The following PRSS27 variants were observed in gnomAD, a reference collection of about 807,000 sequenced individuals.
PRSS27 encodes the protein channel-activating protease 2.
PRSS27 carries 25 observed loss-of-function variants against 32.0 expected under a neutral mutation model. The ratio of observed to expected loss-of-function variants is 0.78; its 90% CI spans 0.57 to 1.09. The LOEUF (loss-of-function observed/expected upper bound fraction) is 1.09. Among genes scored for constraint, PRSS27 ranks in the 50% least tolerant of loss-of-function variants. PRSS27 has a pLI of 0.00. For missense variants in PRSS27, 401 were observed against 394.9 expected (o/e 1.02, Z -0.13); for synonymous variants, 178 against 172.2 (o/e 1.03, Z -0.26).
rs557018266 is a variant in PRSS27 at position 2,713,345 on chromosome 16, T to G, written c.678+184A>C. 5.5e-4 allele frequency: 363 copies of G among 657,600 alleles called. 1 individual carries two copies. Among genetic ancestry groups the G allele is most frequent in the Middle Eastern group, 2.6e-3 (10 of 3,794 alleles). The allele number at this position is 657,600 out of a possible 1,614,324, so 40.7% of individuals were successfully genotyped here. A position where few individuals can be genotyped will look rare whatever the true frequency, so the allele number is the denominator to read the frequency against. On this transcript the variant is annotated intron_variant, in intron 5 of 5. Coordinates refer to ENST00000302641, the MANE Select transcript of PRSS27 (RefSeq NM_031948.5). ...CATCTCCTGACCTTGTGATCCACCC[T>G]CCTTGGCCTCCCAAAGTGCTGGGAT...
intron 1 of PRSS27, among the ~76,000 whole-genome samples, chr16:2,718,830 G>T (rs2067718023): frequency 1.3e-5 from 2 of 152,172 alleles, no homozygotes; most frequent in Admixed American, 1.3e-4. Context: ...CATCTGGGGG[G>T]CCTGATCTCA....
At position 2,713,872 on chromosome 16, in the gene PRSS27, C is replaced by T. The variant is rs538152278; in HGVS notation, c.509-174G>A. Among the ~76,000 whole-genome samples, 6 of 152,334 alleles carry T rather than the reference C, an allele frequency of 3.9e-5. No individual in the cohort carries two copies. The East Asian group carries it at 9.6e-4, about 24-fold the overall frequency. ...TTCCAGGCAGCAGGCTGGGCCCTTT[C>T]TGTCCCCCTCTCCCTTCACCCCCTC... On this transcript the variant is annotated intron_variant, in intron 4 of 5. Coordinates refer to ENST00000302641, the MANE Select transcript of PRSS27 (RefSeq NM_031948.5).
At position 2,713,159 on chromosome 16, in the gene PRSS27, C is replaced by T. The variant is rs188131229; in HGVS notation, c.679-345G>A. ...TGTGGCCCAGGCTGGAGTGCACTGG[C>T]GCGATCTCGGCTCACTGCAAGCTCC... On this transcript the variant is annotated intron_variant, in intron 5 of 5. Transcript: ENST00000302641. 4.4e-3 allele frequency: 2,082 copies of T among 468,558 alleles called. 40 individuals are homozygous for T. Among genetic ancestry groups the T allele is most frequent in the African/African-American group, 0.035 (1,802 of 51,000 alleles). 29.0% of individuals were successfully genotyped at this position (468,558 alleles called of 1,614,324 possible).
chr16:2,719,278 G>A (rs943616432), intron 1 of PRSS27, among the ~76,000 whole-genome samples: 1 of 152,170 alleles, frequency 6.6e-6, no homozygotes, highest in Non-Finnish European at 1.5e-5. Flanking sequence ...GGCATGGGGT[G>A]GGGGAGGCCG....
Position 2,715,797 on chromosome 16 carries a change from G to T in PRSS27, c.157C>A (p.Gln53Lys), listed in dbSNP as rs1363823677. ...EGEWPWQVSI[Q>K]RNGSHFCGGS... ...CCGCAGAAGTGGCTTCCGTTGCGCTGGATGCTGACTTGCCAGGGCCACTCG... is the reference window on the plus strand; with the variant it reads ...CCGCAGAAGTGGCTTCCGTTGCGCTTGATGCTGACTTGCCAGGGCCACTCG... Residue 53 changes from glutamine to lysine, a missense_variant, in exon 3 of 6, where the codon CAG becomes AAG. Coordinates refer to ENST00000302641, the MANE Select transcript of PRSS27 (RefSeq NM_031948.5). 6.2e-7 allele frequency: 1 copy of T among 1,603,904 alleles called. No individual in the cohort carries two copies. Among genetic ancestry groups the T allele is most frequent in the Non-Finnish European group, 8.5e-7 (1 of 1,177,542 alleles).
intron 3 of PRSS27, chr16:2,715,294 T>G: frequency 6.1e-6 from 1 of 163,304 alleles, no homozygotes; most frequent in Non-Finnish European, 1.3e-5. Context: ...GTGGTTCAGG[T>G]GGGTGAGGGG....
chr16:2,713,741 A>T (rs1433782588), intron 4 of PRSS27, 43 bp from the exon 5 acceptor site: 2 of 1,601,884 alleles, frequency 1.2e-6, no homozygotes, highest in African/African-American at 2.7e-5. Context: ...GGACTTCCTC[A>T]TCAAGAACCC....
chr16:2,714,196 G>T lies in PRSS27; in HGVS notation c.377C>A (p.Ala126Asp). Reference sequence around the variant, plus strand: ...CACTGGTGCCTCCAGCTCCACCAGGGCCACGTCAGCGCTGGAGGCCGTGCC... The same window carrying T: ...CACTGGTGCCTCCAGCTCCACCAGGTCCACGTCAGCGCTGGAGGCCGTGCC... ...YQGTASSADV[A>D]LVELEAPVPF... Residue 126 changes from alanine (A) to aspartate (D), a missense_variant, in exon 4 of 6, where the codon GCC (alanine) becomes GAC (aspartate). Physicochemically the swap from Ala to Asp is moderately radical, Grantham distance 126. Coordinates refer to ENST00000302641, the MANE Select transcript of PRSS27 (RefSeq NM_031948.5). This position sits in a 1 kb window ranked among gnomAD's most constrained non-coding sequence, Gnocchi z 4.7. 6.2e-7 allele frequency: 1 copy of T among 1,614,028 alleles called. No homozygotes were observed.
rs2067710058 is a variant in PRSS27 at position 2,717,584 on chromosome 16, CA to C, written c.47-1059del. On this transcript the variant is annotated intron_variant, in intron 1 of 5. Transcript: ENST00000302641. The surrounding 1 kb of genome is among the most constrained non-coding windows in gnomAD (Gnocchi z 4.1). The stretch of plus-strand genomic sequence containing the variant: ...AGCCACCTCCCCACACCTAGGCCCT[CA>C]GCTTCCCCTTAACCCCCAGTGCCTT... 1 of 152,478 alleles carries C rather than the reference CA, an allele frequency of 6.6e-6. No individual in the cohort carries two copies. Among genetic ancestry groups the C allele is most frequent in the African/African-American group, 2.4e-5 (1 of 41,434 alleles). The allele number at this position is 152,478 out of a possible 1,614,324, so 9.4% of individuals were successfully genotyped here.
At position 2,714,232 on chromosome 16, in the gene PRSS27, G is replaced by A. The variant is rs2067685828; in HGVS notation, c.341C>T (p.Pro114Leu). The change falls in exon 4 of 6, where the codon CCC becomes CTC. Residue 114 changes from proline (P) to leucine (L), a missense_variant. Coordinates refer to ENST00000302641, the MANE Select transcript of PRSS27 (RefSeq NM_031948.5). The surrounding 1 kb of genome is among the most constrained non-coding windows in gnomAD (Gnocchi z 4.7). ...GCTGGAGGCCGTGCCCTGGTACAGGGGGTTGCTCTCCACCTGCCTCACCCG... is the reference window on the plus strand; with the variant it reads ...GCTGGAGGCCGTGCCCTGGTACAGGAGGTTGCTCTCCACCTGCCTCACCCG... ...YARVRQVESN[P>L]LYQGTASSAD... The A allele has an allele frequency of 1.9e-6, 3 of 1,613,716 alleles. No homozygotes were observed. Among genetic ancestry groups the A allele is most frequent in the South Asian group, 1.1e-5 (1 of 91,058 alleles).
intron 4 of PRSS27, 58 bp from the exon 5 acceptor site, chr16:2,713,756 C>T (rs1024486091): frequency 6.4e-7 from 1 of 1,567,640 alleles, no homozygotes; most frequent in East Asian, 2.3e-5. Context: ...GAACCCACGG[C>T]CCCGGGAACC....
chr16:2,713,811 T>G (rs1453925699), intron 4 of PRSS27, 113 bp from the exon 5 acceptor site: 2 of 1,248,848 alleles, frequency 1.6e-6, no homozygotes, highest in African/African-American at 3.0e-5. Flanking sequence ...AGACCATCTC[T>G]GGCTTAGGGC....
chr16:2,713,162 G>A (rs896240902), intron 5 of PRSS27: 40 of 466,460 alleles, frequency 8.6e-5, no homozygotes, highest in Non-Finnish European at 1.3e-4. Context: ...GCACTGGCGC[G>A]ATCTCGGCTC....
At position 2,714,725 on chromosome 16, in the gene PRSS27, A is replaced by C; in HGVS notation, c.237-389T>G. 1 of 255,888 alleles carries C rather than the reference A, an allele frequency of 3.9e-6. No homozygotes were observed. 15.9% of individuals were successfully genotyped at this position (255,888 alleles called of 1,614,324 possible). On this transcript the variant is annotated intron_variant, in intron 3 of 5. Coordinates refer to ENST00000302641, the MANE Select transcript of PRSS27 (RefSeq NM_031948.5). This position sits in a 1 kb window ranked among gnomAD's most constrained non-coding sequence, Gnocchi z 4.7. ...TCTGGCAGGTGACCTGCCCTCTCTC[A>C]GCCCGAGTTTCCGATTTTTTTTTTC... is the stretch of plus-strand genomic sequence containing the variant.
chr16:2,712,878 G>A lies in PRSS27; in HGVS notation c.679-64C>T, dbSNP rs922568246. 2.3e-5 allele frequency: 30 copies of A among 1,299,644 alleles called. No individual in the cohort carries two copies. The highest frequency in any genetic ancestry group is 1.1e-4 in the Admixed American group (4 of 36,706). 80.5% of individuals were successfully genotyped at this position (1,299,644 alleles called of 1,614,324 possible). A position where few individuals can be genotyped will look rare whatever the true frequency, so the allele number is the denominator to read the frequency against. On this transcript the variant is annotated intron_variant, in intron 5 of 5. Coordinates refer to ENST00000302641, the MANE Select transcript of PRSS27 (RefSeq NM_031948.5). This position sits in a 1 kb window ranked among gnomAD's most constrained non-coding sequence, Gnocchi z 4.6. ...AGTTCCCAGAGACTCAGTTGCAGCC[G>A]CACAGGAGGTGTGTAGCTCCGCAAT...
In PRSS27 at chr16:2,714,850, C is replaced by T. The variant is rs561418064; in HGVS notation, c.237-514G>A. ...AACTCCTGGGCTCAAGCCATCCTCT[C>T]GCCTCAGCTTCCTGAGTACTTGGGA... On this transcript the variant is annotated intron_variant, in intron 3 of 5. Coordinates refer to ENST00000302641, the MANE Select transcript of PRSS27 (RefSeq NM_031948.5). The surrounding 1 kb of genome is among the most constrained non-coding windows in gnomAD (Gnocchi z 4.7). The T allele has an allele frequency of 3.7e-5, 6 of 161,698 alleles. No individual in the cohort carries two copies. In the South Asian group the frequency reaches 6.6e-4, roughly 18 times the overall value. 10.0% of individuals were successfully genotyped at this position (161,698 alleles called of 1,614,324 possible).
Position 2,712,604 on chromosome 16 carries a change from C to T in PRSS27, c.*16G>A, listed in dbSNP as rs1267497211. 1.3e-6 allele frequency: 2 copies of T among 1,566,104 alleles called. No homozygotes were observed. Among genetic ancestry groups the T allele is most frequent in the African/African-American group, 2.7e-5 (2 of 73,690 alleles). ...GGTGCAGAGCTCTGCTCAAGGGGCT[C>T]CTGGCCCCGGGGGTCTCACTTCTGG... On this transcript the variant is annotated 3_prime_UTR_variant, in exon 6 of 6. Coordinates refer to ENST00000302641, the MANE Select transcript of PRSS27 (RefSeq NM_031948.5). This position sits in a 1 kb window ranked among gnomAD's most constrained non-coding sequence, Gnocchi z 4.6.
chr16:2,713,256 G>A (rs940477393), intron 5 of PRSS27: 19 of 472,546 alleles, frequency 4.0e-5, no homozygotes, highest in Non-Finnish European at 5.1e-5. Context: ...CCACCACCAC[G>A]CCTGGCTAAT....
At chr16:2,716,691 C>A (rs931440047) in intron 1 of PRSS27, 165 bp from the exon 2 acceptor site, 26 of 683,488 alleles carry the variant, frequency 3.8e-5, no homozygotes, top group African/African-American at 5.4e-5. Flanking sequence ...GTTTCCCCCC[C>A]AGGGCTGGCT....
Sources: gnomAD v4.1 joint callset for allele counts (sites outside exome capture counted in the v4.1 genomes callset) on GRCh38, gnomAD v4.1.1 for gene constraint, Gnocchi (gnomAD v3.1) non-coding constraint, MANE v1.5 for transcripts, NCBI Gene and HGNC (gene_info 2026-07-23, HGNC 2026-07-21) for gene names.